ARID2: variants seen among roughly 807,000 people sequenced by gnomAD.
ARID2 encodes AT-rich interactive domain-containing protein 2.
ARID2 carries 32 observed loss-of-function variants against 184.6 expected under a neutral mutation model. The observed-to-expected ratio is 0.17, with a 90% CI of 0.13 to 0.23. The LOEUF is 0.23. Ranked by LOEUF, ARID2 falls within the 10% of genes least tolerant of loss-of-function variation. The pLI, the probability that ARID2 is intolerant of heterozygous loss-of-function variation, is 1.00. For missense variants in ARID2, 1,696 were observed against 2,197.6 expected (o/e 0.77, Z 4.56); for synonymous variants, 836 against 772.6 (o/e 1.08, Z -1.36).
intron 11 of ARID2, chr12:45,846,140 T>C (rs1159689749): frequency 8.5e-5 from 13 of 152,136 alleles, no homozygotes; most frequent in Admixed American, 8.5e-4. Context: ...CTTTAGAAAG[T>C]ATGTGTCTTA....
chr12:45,842,295 G>GTGTA (rs956699641), intron 11 of ARID2: 10 of 148,898 alleles, frequency 6.7e-5, no homozygotes, highest in African/African-American at 2.5e-4. Flanking sequence ...ACATATGTGT[G>GTGTA]TGTATATATA....
chr12:45,865,546 T>G (rs1239493450), intron 16 of ARID2, among the ~76,000 whole-genome samples: 3 of 152,136 alleles, frequency 2.0e-5, no homozygotes, highest in African/African-American at 7.2e-5. Context: ...TTATTAGGTT[T>G]TTCATTATTG....
At position 45,905,294 on chromosome 12, in the gene ARID2, AAG is replaced by A. The variant is rs1491135656; in HGVS notation, c.*218_*219del. 3 of 437,200 alleles carry A rather than the reference AAG, an allele frequency of 6.9e-6. No individual in the cohort carries two copies. The highest frequency in any genetic ancestry group is 4.4e-5 in the South Asian group (1 of 22,684). The allele number at this position is 437,200 out of a possible 1,614,324, so 27.1% of individuals were successfully genotyped here. ...CTAAAAAGAAAAAGGAAAAAAAAAAAAGAACTGCTGTGGGATTGTCAACCAGC... is the reference window on the plus strand; with the variant it reads ...CTAAAAAGAAAAAGGAAAAAAAAAAAAACTGCTGTGGGATTGTCAACCAGC... On this transcript the variant is annotated 3_prime_UTR_variant, in exon 21 of 21. Transcript: ENST00000334344.
intron 16 of ARID2, among the ~76,000 whole-genome samples, chr12:45,873,479 TATCA>T (rs1415266316): frequency 3.3e-5 from 5 of 152,350 alleles, no homozygotes; most frequent in Middle Eastern, 6.8e-3. Flanking sequence ...TTTCTTCGGA[TATCA>T]ATCATATTTC....
intron 15 of ARID2, among the ~76,000 whole-genome samples, chr12:45,853,424 C>A (rs1189953758): frequency 2.0e-5 from 3 of 152,174 alleles, no homozygotes; most frequent in African/African-American, 7.2e-5. Context: ...ATTGTAATTT[C>A]AATTTGTTTC....
At chr12:45,820,303 T>C (rs898873856) in intron 5 of ARID2, among the ~76,000 whole-genome samples, 2 of 152,212 alleles carry the variant, frequency 1.3e-5, no homozygotes, top group African/African-American at 4.8e-5. Flanking sequence ...TTGCTGTTTC[T>C]CACCCTTTTA....
At position 45,907,355 on chromosome 12, in the gene ARID2, A is replaced by G. The variant is rs143870416; in HGVS notation, c.*2277A>G. 1.2e-4 allele frequency: 28 copies of G among 233,382 alleles called. 1 individual carries two copies. The highest frequency in any genetic ancestry group is 8.5e-5 in the Non-Finnish European group (10 of 117,902). The allele number at this position is 233,382 out of a possible 1,614,324, so 14.5% of individuals were successfully genotyped here. A position where few individuals can be genotyped will look rare whatever the true frequency, so the allele number is the denominator to read the frequency against. On this transcript the variant is annotated 3_prime_UTR_variant, in exon 21 of 21. Transcript: ENST00000334344. ...AGAAACTGCAGTGGTAATTAAATTA[A>G]TAGAAAAGAGAACAAACTGCAGGTT...
chr12:45,774,704 C>T (rs554329100), intron 3 of ARID2, among the ~76,000 whole-genome samples: 35 of 152,246 alleles, frequency 2.3e-4, no homozygotes, highest in African/African-American at 8.2e-4. Context: ...GAAGTGAGTT[C>T]AGACTCCTGT....
At chr12:45,832,194 G>A (rs1455426300) in intron 6 of ARID2, among the ~76,000 whole-genome samples, 1 of 152,052 alleles carries the variant, frequency 6.6e-6, no homozygotes, top group African/African-American at 2.4e-5. Context: ...AAAACTGTAG[G>A]TTTTAGGGTT....
At chr12:45,796,335 C>G (rs1296510494) in intron 3 of ARID2, among the ~76,000 whole-genome samples, 1 of 151,946 alleles carries the variant, frequency 6.6e-6, no homozygotes, top group Non-Finnish European at 1.5e-5. Flanking sequence ...GCCACATGGA[C>G]TTTTCTTGCA....
chr12:45,772,492 G>T (rs937520733), intron 3 of ARID2, among the ~76,000 whole-genome samples: 3 of 152,124 alleles, frequency 2.0e-5, no homozygotes, highest in Admixed American at 6.5e-5. Context: ...TCAACTCTAT[G>T]CTCTCTACAG....
chr12:45,808,736 C>CGTGT (rs138992855), intron 3 of ARID2, among the ~76,000 whole-genome samples: 38 of 147,590 alleles, frequency 2.6e-4, no homozygotes, highest in East Asian at 1.2e-3. Flanking sequence ...TGTTTGCGTG[C>CGTGT]GTGTGTGTGT....
At chr12:45,760,552 A>T (rs1365518726) in intron 3 of ARID2, among the ~76,000 whole-genome samples, 2 of 151,924 alleles carry the variant, frequency 1.3e-5, no homozygotes, top group Non-Finnish European at 2.9e-5. Context: ...GTTTTTGCAC[A>T]CAGATTTTTA....
chr12:45,823,063 C>T (rs1402980281), intron 6 of ARID2, among the ~76,000 whole-genome samples: 5 of 151,852 alleles, frequency 3.3e-5, no homozygotes, highest in African/African-American at 7.2e-5. Flanking sequence ...TAGACCATAT[C>T]GTATGCCACA....
chr12:45,747,065 G>A (rs1043450525), intron 3 of ARID2, among the ~76,000 whole-genome samples: 16 of 152,122 alleles, frequency 1.1e-4, no homozygotes, highest in African/African-American at 3.9e-4. Flanking sequence ...CACCGTGCCC[G>A]GCTGGACCTA....
At position 45,778,861 on chromosome 12, in the gene ARID2, A is replaced by C. The variant is rs932057132; in HGVS notation, c.285-32557A>C. On this transcript the variant is annotated intron_variant, in intron 3 of 20. Coordinates refer to ENST00000334344, the MANE Select transcript of ARID2 (RefSeq NM_152641.4). Reference sequence around the variant, plus strand: ...ACATCTGAAAAAGTATCTGGAAGAAACTGTAAATCCCATGTGAACCTACCA... The same window carrying C: ...ACATCTGAAAAAGTATCTGGAAGAACCTGTAAATCCCATGTGAACCTACCA... Among the ~76,000 whole-genome samples the C allele has an allele frequency of 7.2e-5, 11 of 151,994 alleles. No individual in the cohort carries two copies. In the South Asian group the frequency reaches 2.1e-3, roughly 29 times the overall value.
intron 3 of ARID2, among the ~76,000 whole-genome samples, chr12:45,798,304 G>A (rs920148425): frequency 2.6e-5 from 4 of 151,746 alleles, no homozygotes; most frequent in Non-Finnish European, 5.9e-5. Context: ...TAAATTTCTC[G>A]AAGTGGAATT....
chr12:45,757,988 G>C (rs1450786923), intron 3 of ARID2, among the ~76,000 whole-genome samples: 1 of 152,138 alleles, frequency 6.6e-6, no homozygotes, highest in African/African-American at 2.4e-5. Flanking sequence ...AATATGCAAA[G>C]ATCACAAAAA....
chr12:45,795,718 G>T (rs1414483805), intron 3 of ARID2, among the ~76,000 whole-genome samples: 2 of 152,174 alleles, frequency 1.3e-5, no homozygotes, highest in African/African-American at 4.8e-5. Flanking sequence ...TTATAGGCGT[G>T]AGCCCCCGCG....
Sources: gnomAD v4.1 joint callset for allele counts (sites outside exome capture counted in the v4.1 genomes callset) on GRCh38, gnomAD v4.1.1 for gene constraint, MANE v1.5 for transcripts, NCBI Gene and HGNC (gene_info 2026-07-23, HGNC 2026-07-21) for gene names.